Variants in RNF152 observed in about 807,000 individuals in gnomAD.
The protein encoded by RNF152 is E3 ubiquitin-protein ligase RNF152.
In RNF152, 11 loss-of-function variants were observed where a neutral mutation model predicts 12.7. The observed-to-expected ratio is 0.86, with a 90% CI of 0.54 to 1.43. The LOEUF (loss-of-function observed/expected upper bound fraction) is 1.43. Ranked by LOEUF, RNF152 falls within the 40% of genes most tolerant of loss-of-function variation. The pLI is 0.00. For missense variants in RNF152, 255 were observed against 274.8 expected, an observed-to-expected ratio of 0.93 and a Z score of 0.51; for synonymous variants, 113 against 120.3, an observed-to-expected ratio of 0.94 and a Z score of 0.40.
Position 61,816,601 on chromosome 18 carries a change from G to T in RNF152, c.-135-3C>A. ...AGTACTCACAGGTGTGTTCATTTCT[G>T]AGAGAGACAAATAATGCAAACAATC... On this transcript the variant is annotated splice_region_variant and splice_polypyrimidine_tract_variant and intron_variant, in intron 1 of 1. Coordinates refer to ENST00000312828, the MANE Select transcript of RNF152 (RefSeq NM_173557.3). The T allele has an allele frequency of 1.2e-6, 1 of 831,764 alleles. No homozygotes were observed. Among genetic ancestry groups the T allele is most frequent in the Non-Finnish European group, 1.9e-6 (1 of 523,914 alleles). 51.5% of individuals were successfully genotyped at this position (831,764 alleles called of 1,614,324 possible).
At chr18:61,857,271 T>G (rs1320900695) in intron 1 of RNF152, among the ~76,000 whole-genome samples, 1 of 152,192 alleles carries the variant, frequency 6.6e-6, no homozygotes, top group Non-Finnish European at 1.5e-5. Context: ...AATTAAATGA[T>G]TTGTCCAAAG....
At chr18:61,866,799 G>T (rs950548447) in intron 1 of RNF152, among the ~76,000 whole-genome samples, 2 of 152,212 alleles carry the variant, frequency 1.3e-5, no homozygotes, top group East Asian at 3.8e-4. Context: ...CTTGCCCGCT[G>T]TCCCCACCGC....
chr18:61,844,191 A>AGGG (rs1555702457), intron 1 of RNF152, among the ~76,000 whole-genome samples: 29 of 58,778 alleles, frequency 4.9e-4, no homozygotes, highest in Non-Finnish European at 1.3e-3. Context: ...GGAAGGAAGG[A>AGGG]AGGGAAGGAG....
At chr18:61,876,191 G>A (rs1912206747) in intron 1 of RNF152, among the ~76,000 whole-genome samples, 1 of 152,142 alleles carries the variant, frequency 6.6e-6, no homozygotes, top group African/African-American at 2.4e-5. Context: ...CACGGGCATT[G>A]TCAAATACTA....
At chr18:61,820,358 A>G (rs1029248680) in intron 1 of RNF152, among the ~76,000 whole-genome samples, 3 of 150,900 alleles carry the variant, frequency 2.0e-5, no homozygotes, top group African/African-American at 4.9e-5. Context: ...AAAAAAAAAA[A>G]AGAGTAGGAT....
intron 1 of RNF152, among the ~76,000 whole-genome samples, chr18:61,890,980 C>T (rs1254962076): frequency 2.6e-5 from 4 of 152,200 alleles, no homozygotes; most frequent in Non-Finnish European, 5.9e-5. Flanking sequence ...AAGTCCAATC[C>T]TACCTCTCTT....
At chr18:61,834,483 C>A (rs1910091380) in intron 1 of RNF152, among the ~76,000 whole-genome samples, 2 of 152,230 alleles carry the variant, frequency 1.3e-5, no homozygotes, top group Non-Finnish European at 2.9e-5. Flanking sequence ...CACCTACACA[C>A]ACACCCAGCA....
intron 1 of RNF152, among the ~76,000 whole-genome samples, chr18:61,870,193 G>C (rs572303492): frequency 5.9e-5 from 9 of 152,124 alleles, no homozygotes; most frequent in Non-Finnish European, 1.0e-4. Flanking sequence ...AAGCTGTGTC[G>C]GGATGGGGGT....
chr18:61,841,966 T>A (rs900167924), intron 1 of RNF152, among the ~76,000 whole-genome samples: 3 of 152,234 alleles, frequency 2.0e-5, no homozygotes, highest in South Asian at 2.1e-4. Flanking sequence ...TGGACATGAC[T>A]GTGTTCCAAT....
intron 1 of RNF152, among the ~76,000 whole-genome samples, chr18:61,866,315 C>T (rs758244253): frequency 3.3e-5 from 5 of 152,168 alleles, no homozygotes; most frequent in African/African-American, 4.8e-5. Flanking sequence ...CACGGGGACT[C>T]GTTTATCCTC....
intron 1 of RNF152, among the ~76,000 whole-genome samples, chr18:61,846,987 C>G (rs980877146): frequency 3.9e-5 from 6 of 152,086 alleles, no homozygotes; most frequent in Admixed American, 3.9e-4. Flanking sequence ...CAGGGACAAT[C>G]ACACCTCCAT....
At chr18:61,877,061 A>G (rs994094336) in intron 1 of RNF152, among the ~76,000 whole-genome samples, 2 of 152,214 alleles carry the variant, frequency 1.3e-5, no homozygotes, top group Non-Finnish European at 2.9e-5. Context: ...TCCTGTGCAA[A>G]TAGAACAGGC....
rs1220895986 is a variant in RNF152, at chr18:61,813,133, G to A, written c.*2719C>T. 6.6e-6 allele frequency: 1 copy of A among 152,090 alleles called. No homozygotes were observed. The highest frequency in any genetic ancestry group is 1.9e-4 in the East Asian group (1 of 5,200). 9.4% of individuals were successfully genotyped at this position (152,090 alleles called of 1,614,324 possible). ...CTGGCCTCTTGTGTCAGTGGACTTT[G>A]GTCACATGGGTAGATGTGTTTGTTA... is the stretch of plus-strand genomic sequence containing the variant. On this transcript the variant is annotated 3_prime_UTR_variant, in exon 2 of 2. Coordinates refer to ENST00000312828, the MANE Select transcript of RNF152 (RefSeq NM_173557.3).
In RNF152 at chr18:61,864,890, C is replaced by T. The variant is rs551675948; in HGVS notation, c.-136+27905G>A. On this transcript the variant is annotated intron_variant, in intron 1 of 1. Coordinates refer to ENST00000312828, the MANE Select transcript of RNF152 (RefSeq NM_173557.3). ...AAAAAATTAGCCAGGCGTGGTGGCG[C>T]GTGCCTGTAATCCCAGCTACTCAGG... Among the ~76,000 whole-genome samples the T allele has an allele frequency of 5.3e-5, 8 of 152,200 alleles. 1 individual carries two copies. Among genetic ancestry groups the T allele is most frequent in the African/African-American group, 1.9e-4 (8 of 41,526 alleles).
intron 1 of RNF152, among the ~76,000 whole-genome samples, chr18:61,843,853 GAA>G (rs1437463538): frequency 6.6e-6 from 1 of 151,890 alleles, no homozygotes; most frequent in Non-Finnish European, 1.5e-5. Flanking sequence ...TTTACAAGAT[GAA>G]AAGAGTTACG....
At chr18:61,854,805 G>C (rs1230140631) in intron 1 of RNF152, among the ~76,000 whole-genome samples, 1 of 152,112 alleles carries the variant, frequency 6.6e-6, no homozygotes. Flanking sequence ...AGCAAAGCTC[G>C]CTGCCAAGCT....
chr18:61,856,999 A>G (rs1483398346), intron 1 of RNF152, among the ~76,000 whole-genome samples: 2 of 152,234 alleles, frequency 1.3e-5, no homozygotes, highest in East Asian at 3.9e-4. Flanking sequence ...CCAGGGCAAC[A>G]TTTTAAATTA....
chr18:61,851,358 C>T (rs1033915359), intron 1 of RNF152, among the ~76,000 whole-genome samples: 2 of 152,116 alleles, frequency 1.3e-5, no homozygotes, highest in Non-Finnish European at 2.9e-5. Flanking sequence ...TAGTAGGTGT[C>T]CAATAAGTGC....
chr18:61,871,445 A>T (rs921126483), intron 1 of RNF152, among the ~76,000 whole-genome samples: 1 of 152,178 alleles, frequency 6.6e-6, no homozygotes, highest in African/African-American at 2.4e-5. Context: ...CTCGAGATAG[A>T]TATTACTGGT....
Sources: allele counts gnomAD v4.1 joint callset (sites outside exome capture counted in the v4.1 genomes callset), GRCh38; gene constraint gnomAD v4.1.1; transcripts MANE v1.5; gene names NCBI Gene and HGNC (gene_info 2026-07-23, HGNC 2026-07-21).